Variants in ZCCHC7 observed in about 807,000 individuals in gnomAD.
The protein encoded by ZCCHC7 is zinc finger CCHC domain-containing protein 7.
Under a neutral mutation model 52.0 loss-of-function variants are expected in ZCCHC7, and 35 were observed. The observed-to-expected ratio is 0.67, with a 90% CI of 0.51 to 0.89. ZCCHC7 has a LOEUF of 0.89. ZCCHC7 is among the 40% of genes least tolerant of loss of function. The probability of loss-of-function intolerance (pLI) is 0.00; values close to 1 mark genes in which losing one functional copy is unlikely to be tolerated. For missense variants in ZCCHC7, 574 were observed against 649.1 expected (o/e 0.88, Z 1.26); for synonymous variants, 217 against 221.5 (o/e 0.98, Z 0.18).
chr9:37,162,571 CTTT>C, intron 2 of ZCCHC7, among the ~76,000 whole-genome samples: 1 of 152,298 alleles, frequency 6.6e-6, no homozygotes, highest in East Asian at 1.9e-4. Context: ...AGTATCAATA[CTTT>C]TTATTATATA....
chr9:37,355,716 G>A (rs1821659320), intron 8 of ZCCHC7, among the ~76,000 whole-genome samples: 2 of 152,162 alleles, frequency 1.3e-5, no homozygotes, highest in East Asian at 1.9e-4. Context: ...AAAAGTAGCC[G>A]TTCGTATACA....
At chr9:37,154,494 G>A (rs757121788) in intron 2 of ZCCHC7, among the ~76,000 whole-genome samples, 14 of 151,924 alleles carry the variant, frequency 9.2e-5, no homozygotes, top group Non-Finnish European at 1.6e-4. Context: ...TTTTTTGTTG[G>A]CTTTTTTTGA....
intron 2 of ZCCHC7, among the ~76,000 whole-genome samples, chr9:37,189,340 C>T (rs939151246): frequency 3.3e-5 from 5 of 151,982 alleles, no homozygotes. Context: ...ATTTAAGTGT[C>T]ATATTTTGAG....
intron 2 of ZCCHC7, among the ~76,000 whole-genome samples, chr9:37,144,000 A>G (rs893047725): frequency 1.3e-5 from 2 of 151,828 alleles, no homozygotes; most frequent in African/African-American, 2.4e-5. Flanking sequence ...TTGTAAGGAC[A>G]TCTGTTGGCT....
chr9:37,351,322 A>G (rs1248208635), intron 7 of ZCCHC7, among the ~76,000 whole-genome samples: 1 of 152,088 alleles, frequency 6.6e-6, no homozygotes, highest in African/African-American at 2.4e-5. Flanking sequence ...CTCAGCACCA[A>G]GTAGTGAAGA....
chr9:37,200,779 T>G (rs1477586679), intron 2 of ZCCHC7, among the ~76,000 whole-genome samples: 2 of 152,246 alleles, frequency 1.3e-5, no homozygotes, highest in African/African-American at 4.8e-5. Flanking sequence ...ACCAGAAATA[T>G]GAACCATTGA....
At chr9:37,290,239 T>G (rs562177300) in intron 2 of ZCCHC7, among the ~76,000 whole-genome samples, 1 of 152,356 alleles carries the variant, frequency 6.6e-6, no homozygotes, top group African/African-American at 2.4e-5. Flanking sequence ...TGTTGAATAA[T>G]AAACGAATGG....
chr9:37,194,879 A>G (rs765442579), intron 2 of ZCCHC7, among the ~76,000 whole-genome samples: 1 of 151,644 alleles, frequency 6.6e-6, no homozygotes, highest in East Asian at 1.9e-4. Flanking sequence ...TGTTGAGATC[A>G]TTGTCACTGC....
chr9:37,251,618 G>A (rs1826332303), intron 2 of ZCCHC7, among the ~76,000 whole-genome samples: 1 of 152,184 alleles, frequency 6.6e-6, no homozygotes, highest in African/African-American at 2.4e-5. Flanking sequence ...AGGACAAAAA[G>A]GATTGAAAGT....
chr9:37,334,649 A>G (rs957709107), intron 6 of ZCCHC7, among the ~76,000 whole-genome samples: 16 of 152,048 alleles, frequency 1.1e-4, no homozygotes, highest in Non-Finnish European at 2.2e-4. Context: ...CCTATATATC[A>G]GAAATTCAAG....
At chr9:37,129,642 G>T (rs1234000637) in intron 2 of ZCCHC7, among the ~76,000 whole-genome samples, 1 of 152,094 alleles carries the variant, frequency 6.6e-6, no homozygotes, top group African/African-American at 2.4e-5. Flanking sequence ...TTGTTAAACA[G>T]TATCCATAAT....
intron 2 of ZCCHC7, among the ~76,000 whole-genome samples, chr9:37,301,760 G>C: frequency 6.6e-6 from 1 of 152,190 alleles, no homozygotes; most frequent in East Asian, 1.9e-4. Flanking sequence ...AGGTGTGAGA[G>C]GGTTGTGACA....
intron 2 of ZCCHC7, among the ~76,000 whole-genome samples, chr9:37,135,069 T>A (rs1308271250): frequency 6.6e-6 from 1 of 152,188 alleles, no homozygotes; most frequent in Non-Finnish European, 1.5e-5. Context: ...CTCTTTTCTC[T>A]AACCTTATTT....
intron 1 of ZCCHC7, among the ~76,000 whole-genome samples, chr9:37,124,943 C>T (rs1842479750): frequency 6.6e-6 from 1 of 152,132 alleles, no homozygotes; most frequent in Non-Finnish European, 1.5e-5. Flanking sequence ...CCTGTGCCTC[C>T]CAGGTTCAAG....
chr9:37,125,648 A>G (rs1436047480), intron 1 of ZCCHC7, among the ~76,000 whole-genome samples: 1 of 152,256 alleles, frequency 6.6e-6, no homozygotes, highest in East Asian at 1.9e-4. Flanking sequence ...GAAAAGATGA[A>G]GAATGGATAG....
At chr9:37,225,658 C>T (rs1825060188) in intron 2 of ZCCHC7, among the ~76,000 whole-genome samples, 1 of 152,162 alleles carries the variant, frequency 6.6e-6, no homozygotes, top group Non-Finnish European at 1.5e-5. Context: ...ACATTATTTA[C>T]TGTATTAACA....
At chr9:37,341,219 G>A (rs561991229) in intron 6 of ZCCHC7, among the ~76,000 whole-genome samples, 2 of 152,254 alleles carry the variant, frequency 1.3e-5, no homozygotes, top group Admixed American at 1.3e-4. Flanking sequence ...AAGTAGGGGA[G>A]ACAATAAGGA....
At chr9:37,341,725 T>A (rs1228280350) in intron 6 of ZCCHC7, among the ~76,000 whole-genome samples, 2 of 152,088 alleles carry the variant, frequency 1.3e-5, no homozygotes, top group Non-Finnish European at 1.5e-5. Context: ...AAGGCCTTAC[T>A]GAGATGACAT....
chr9:37,347,014 A>C (rs982756748), intron 6 of ZCCHC7, among the ~76,000 whole-genome samples: 2 of 152,130 alleles, frequency 1.3e-5, no homozygotes, highest in African/African-American at 4.8e-5. Context: ...ATTAGTTGGC[A>C]GACTAGCACT....
Sources: gnomAD v4.1 joint callset for allele counts (sites outside exome capture counted in the v4.1 genomes callset) on GRCh38, gnomAD v4.1.1 for gene constraint, MANE v1.5 for transcripts, NCBI Gene and HGNC (gene_info 2026-07-23, HGNC 2026-07-21) for gene names.